Variants in EPC2 observed in about 807,000 individuals in gnomAD.
EPC2 encodes enhancer of polycomb homolog 2.
Under a neutral mutation model 92.1 loss-of-function variants are expected in EPC2, and 14 were observed. The observed-to-expected ratio is 0.15, with a 90% CI of 0.10 to 0.24. The LOEUF (loss-of-function observed/expected upper bound fraction) is 0.24. EPC2 is among the 10% of genes least tolerant of loss of function. EPC2 has a pLI of 1.00. For synonymous variants in EPC2, 340 were observed against 334.7 expected (o/e 1.02, Z -0.17); for missense variants, 755 against 971.5 (o/e 0.78, Z 2.96).
intron 7 of EPC2, among the ~76,000 whole-genome samples, chr2:148,768,291 TGG>T (rs1683454171): frequency 6.6e-6 from 1 of 152,210 alleles, no homozygotes; most frequent in African/African-American, 2.4e-5. Context: ...TAATTATGGG[TGG>T]AAATTTATCT....
intron 10 of EPC2, 45 bp from the exon 11 acceptor site, chr2:148,781,599 A>G: frequency 1.3e-6 from 2 of 1,568,244 alleles, no homozygotes; most frequent in Non-Finnish European, 1.7e-6. Context: ...GTTATTAAAA[A>G]TCTTTTAAAA....
chr2:148,651,578 G>C (rs1443436230), intron 1 of EPC2, among the ~76,000 whole-genome samples: 2 of 152,188 alleles, frequency 1.3e-5, no homozygotes, highest in Non-Finnish European at 2.9e-5. Flanking sequence ...TGGTATAGAT[G>C]AAAGACCACT....
intron 2 of EPC2, among the ~76,000 whole-genome samples, chr2:148,724,207 T>A (rs1232721673): frequency 1.3e-5 from 2 of 152,158 alleles, no homozygotes; most frequent in Non-Finnish European, 2.9e-5. Context: ...CTTATTCATT[T>A]ATTTTTTTAA....
intron 2 of EPC2, among the ~76,000 whole-genome samples, chr2:148,714,170 T>C (rs1558817978): frequency 1.3e-5 from 2 of 151,810 alleles, no homozygotes; most frequent in Non-Finnish European, 2.9e-5. Context: ...GTATTTGATT[T>C]TCTGTTTCTG....
At chr2:148,718,353 G>T (rs1168677135) in intron 2 of EPC2, among the ~76,000 whole-genome samples, 1 of 152,038 alleles carries the variant, frequency 6.6e-6, no homozygotes, top group East Asian at 1.9e-4. Flanking sequence ...GTACTTCAGT[G>T]TGTTTTTGTA....
chr2:148,650,584 C>CT (rs1680661642), intron 1 of EPC2, among the ~76,000 whole-genome samples: 1 of 152,050 alleles, frequency 6.6e-6, no homozygotes, highest in Admixed American at 6.6e-5. Context: ...AGATCCATGA[C>CT]TAATTTGAAT....
At chr2:148,743,852 GT>G (rs1682930722) in intron 3 of EPC2, 85 bp downstream of exon 3, 1 of 1,098,984 alleles carries the variant, frequency 9.1e-7, no homozygotes, top group South Asian at 2.4e-5. Flanking sequence ...GCATTTTACT[GT>G]TTCTTGGATT....
intron 2 of EPC2, chr2:148,691,845 T>TA (rs1459072041): frequency 3.1e-6 from 2 of 640,228 alleles, no homozygotes; most frequent in Non-Finnish European, 6.0e-6. Flanking sequence ...TCTTTAATCT[T>TA]ACACTGAGGG....
intron 1 of EPC2, among the ~76,000 whole-genome samples, chr2:148,678,754 C>T (rs2105365145): frequency 6.6e-6 from 1 of 152,362 alleles, no homozygotes; most frequent in Admixed American, 6.5e-5. Context: ...AGCCCTGGTG[C>T]CCACTTGTGC....
intron 2 of EPC2, among the ~76,000 whole-genome samples, chr2:148,700,020 T>C (rs980080837): frequency 6.6e-6 from 1 of 152,228 alleles, no homozygotes; most frequent in Non-Finnish European, 1.5e-5. Context: ...ATTATTTATA[T>C]ATCTTCTTTA....
At chr2:148,665,725 C>T (rs967783267) in intron 1 of EPC2, among the ~76,000 whole-genome samples, 10 of 152,126 alleles carry the variant, frequency 6.6e-5, no homozygotes, top group African/African-American at 2.4e-4. Context: ...CCGTTAAAGC[C>T]ATCCACTCAC....
At chr2:148,691,575 T>C in intron 2 of EPC2, 2 of 1,550,580 alleles carry the variant, frequency 1.3e-6, no homozygotes, top group East Asian at 2.4e-5. Context: ...TTGTTCAGGA[T>C]TGAAGTCTTG....
chr2:148,725,615 C>A (rs10221747), intron 2 of EPC2, among the ~76,000 whole-genome samples: 146,611 of 152,178 alleles, frequency 0.96, 70,860 homozygotes, highest in Middle Eastern at 1. Context: ...CTTTGCAGTG[C>A]AGAAAAATCC....
chr2:148,645,209 C>T (rs1683768561), intron 1 of EPC2, 39 bp downstream of exon 1: 2 of 1,488,390 alleles, frequency 1.3e-6, no homozygotes, highest in Non-Finnish European at 1.8e-6. Flanking sequence ...CTTCCCTCCT[C>T]CCCCCTCCCC....
intron 1 of EPC2, among the ~76,000 whole-genome samples, chr2:148,663,359 T>C (rs1226077250): frequency 1.3e-5 from 2 of 150,758 alleles, no homozygotes; most frequent in Non-Finnish European, 3.0e-5. Flanking sequence ...GCTGGGACCA[T>C]AGGTGCCTGC....
intron 2 of EPC2, among the ~76,000 whole-genome samples, chr2:148,703,607 C>A (rs938523497): frequency 3.9e-5 from 6 of 152,122 alleles, no homozygotes; most frequent in African/African-American, 1.4e-4. Context: ...TGGTTCACTG[C>A]AGCTTTGACC....
rs1683766614 is a variant in EPC2 at position 148,645,178 on chromosome 2, C to G, written c.153+8C>G. The stretch of plus-strand genomic sequence containing the variant: ...GAGAAGGAGGAGGAATCGGTAGGGA[C>G]TCGAGTGTTTATTACCCCCCCTTCC... On this transcript the variant is annotated splice_region_variant and intron_variant, in intron 1 of 13. Transcript: ENST00000258484. The G allele has an allele frequency of 6.2e-7, 1 of 1,600,542 alleles. No homozygotes were observed. The highest frequency in any genetic ancestry group is 8.5e-7 in the Non-Finnish European group (1 of 1,173,574).
At chr2:148,763,625 G>A (rs1368450407) in intron 6 of EPC2, among the ~76,000 whole-genome samples, 1 of 152,158 alleles carries the variant, frequency 6.6e-6, no homozygotes, top group Non-Finnish European at 1.5e-5. Flanking sequence ...TCAAGAAAGA[G>A]TGTGGAGCAG....
intron 8 of EPC2, among the ~76,000 whole-genome samples, chr2:148,770,383 C>A (rs976903809): frequency 6.6e-6 from 1 of 152,050 alleles, no homozygotes; most frequent in Non-Finnish European, 1.5e-5. Context: ...TTCAGTTTGA[C>A]CCCATAGTGT....
Sources: gnomAD v4.1 joint callset for allele counts (sites outside exome capture counted in the v4.1 genomes callset) on GRCh38, gnomAD v4.1.1 for gene constraint, MANE v1.5 for transcripts, NCBI Gene and HGNC (gene_info 2026-07-23, HGNC 2026-07-21) for gene names.